The following PCDHGB5 variants were observed in gnomAD, a reference collection of about 807,000 sequenced individuals.
PCDHGB5 encodes the protein protocadherin gamma subfamily B, 5, also known as protocadherin gamma-B5.
PCDHGB5 carries 48 observed loss-of-function variants against 62.9 expected under a neutral mutation model. The ratio of observed to expected loss-of-function variants is 0.76; its 90% CI spans 0.61 to 0.97. PCDHGB5 has a LOEUF of 0.97. Among genes scored for constraint, PCDHGB5 ranks in the 50% least tolerant of loss-of-function variants. PCDHGB5 has a pLI of 0.00. For synonymous variants in PCDHGB5, 474 were observed against 511.2 expected (o/e 0.93, Z 0.98); for missense variants, 1,118 against 1,198.6 (o/e 0.93, Z 0.99).
At chr5:141,458,632 C>T (rs779075931) in intron 1 of PCDHGB5, among the ~76,000 whole-genome samples, 1 of 151,898 alleles carries the variant, frequency 6.6e-6, no homozygotes, top group Non-Finnish European at 1.5e-5. Context: ...TGCAGTGGCA[C>T]AATCCCAGCT....
rs144789830 is a variant in PCDHGB5 at position 141,503,198 on chromosome 5, C to T, written c.2457-2195C>T. Among the ~76,000 whole-genome samples the T allele has an allele frequency of 3.7e-3, 561 of 152,172 alleles. 5 individuals carry two copies. Among genetic ancestry groups the T allele is most frequent in the Admixed American group, 0.011 (164 of 15,268 alleles). ...TATTGTGTAATTATTTAAAATCAGC[C>T]TCTCAGTGCCCACCATGAGCACCGT... On this transcript the variant is annotated intron_variant, in intron 2 of 3. Coordinates refer to ENST00000617380, the MANE Select transcript of PCDHGB5 (RefSeq NM_018925.3).
chr5:141,409,248 T>A (rs779725312), intron 1 of PCDHGB5: 3 of 1,614,032 alleles, frequency 1.9e-6, no homozygotes, highest in South Asian at 2.2e-5. Context: ...GAAATAATCA[T>A]CACTTCTCTC....
chr5:141,413,283 C>A lies in PCDHGB5; in HGVS notation c.2397+12759C>A, dbSNP rs377443382. On this transcript the variant is annotated intron_variant, in intron 1 of 3. Coordinates refer to ENST00000617380, the MANE Select transcript of PCDHGB5 (RefSeq NM_018925.3). ...GGGAGGCTGGAGCCCGGCAGATCTC[C>A]TACTCAATTCCTGAGGAATTAGAGA... The A allele has an allele frequency of 3.6e-5, 58 of 1,613,848 alleles. No individual in the cohort carries two copies. The African/African-American group carries it at 7.6e-4, about 21-fold the overall frequency.
intron 2 of PCDHGB5, among the ~76,000 whole-genome samples, chr5:141,496,406 G>C (rs1485949584): frequency 6.6e-6 from 1 of 152,160 alleles, no homozygotes; most frequent in African/African-American, 2.4e-5. Flanking sequence ...CTCAATGGTT[G>C]AGTACTTGCT....
intron 1 of PCDHGB5, chr5:141,409,879 A>G (rs1175297210): frequency 1.9e-6 from 3 of 1,612,734 alleles, no homozygotes; most frequent in African/African-American, 2.7e-5. Flanking sequence ...ATGACAACGC[A>G]CCGCGGGTGC....
In PCDHGB5 at chr5:141,476,789, T is replaced by A. The variant is rs762462741; in HGVS notation, c.2398-18018T>A. On this transcript the variant is annotated intron_variant, in intron 1 of 3. Coordinates refer to ENST00000617380, the MANE Select transcript of PCDHGB5 (RefSeq NM_018925.3). The surrounding 1 kb of genome is among the most constrained non-coding windows in gnomAD (Gnocchi z 7.6). ...GTTGGACGGAGGGACCCCAGCTCTCTCCGCCAGCCTGCCTATTCACATCAA... is the reference window on the plus strand; with the variant it reads ...GTTGGACGGAGGGACCCCAGCTCTCACCGCCAGCCTGCCTATTCACATCAA... 1.3e-5 allele frequency: 21 copies of A among 1,613,374 alleles called. No individual in the cohort carries two copies. Among genetic ancestry groups the A allele is most frequent in the Non-Finnish European group, 1.7e-5 (20 of 1,180,016 alleles).
intron 1 of PCDHGB5, chr5:141,405,323 T>C (rs1420760439): frequency 6.2e-7 from 1 of 1,614,220 alleles, no homozygotes; most frequent in Non-Finnish European, 8.5e-7. Context: ...AAATGAGCCT[T>C]TGTGCGTCTC....
At chr5:141,403,594 C>A in intron 1 of PCDHGB5, 2 of 1,613,848 alleles carry the variant, frequency 1.2e-6, no homozygotes, top group Non-Finnish European at 1.7e-6. Context: ...TCCTCACGGC[C>A]TCGGATGGCG....
At chr5:141,433,640 A>C (rs2097637476) in intron 1 of PCDHGB5, among the ~76,000 whole-genome samples, 2 of 152,138 alleles carry the variant, frequency 1.3e-5, no homozygotes, top group South Asian at 2.1e-4. Flanking sequence ...GTTTGAGACC[A>C]GCCTGACCAA....
intron 1 of PCDHGB5, chr5:141,441,731 C>G: frequency 2.8e-6 from 1 of 362,226 alleles, no homozygotes; most frequent in South Asian, 2.2e-5. Context: ...GCGACCAGGA[C>G]TAGCTCGCGC....
intron 3 of PCDHGB5, 89 bp downstream of exon 3, chr5:141,505,570 C>G: frequency 6.3e-7 from 1 of 1,598,162 alleles, no homozygotes; most frequent in Admixed American, 1.7e-5. Context: ...GACTGGATGT[C>G]AAACCTGTGT....
chr5:141,499,677 T>C (rs2099793326), intron 2 of PCDHGB5, among the ~76,000 whole-genome samples: 1 of 151,690 alleles, frequency 6.6e-6, no homozygotes, highest in African/African-American at 2.4e-5. Flanking sequence ...CTCCACCATC[T>C]TTAACAGATG....
chr5:141,507,151 G>C (rs1423834553), intron 3 of PCDHGB5: 2 of 152,192 alleles, frequency 1.3e-5, no homozygotes, highest in African/African-American at 4.8e-5. Context: ...TATTACCTGA[G>C]CAGGATGAGA....
At position 141,489,559 on chromosome 5, in the gene PCDHGB5, C is replaced by A; in HGVS notation, c.2398-5248C>A. ...CAGCACCAGCTGCCTGCTGCCAGTG[C>A]AGGTGGTGACTGAACACCCCCTGGA... On this transcript the variant is annotated intron_variant, in intron 1 of 3. Coordinates refer to ENST00000617380, the MANE Select transcript of PCDHGB5 (RefSeq NM_018925.3). This position sits in a 1 kb window ranked among gnomAD's most constrained non-coding sequence, Gnocchi z 4.5. The A allele has an allele frequency of 6.2e-7, 1 of 1,614,078 alleles. No homozygotes were observed. The highest frequency in any genetic ancestry group is 8.5e-7 in the Non-Finnish European group (1 of 1,180,014).
At chr5:141,482,457 C>T (rs1279922250) in intron 1 of PCDHGB5, among the ~76,000 whole-genome samples, 3 of 147,484 alleles carry the variant, frequency 2.0e-5, no homozygotes, top group Non-Finnish European at 3.0e-5. Context: ...TATTAGCATC[C>T]CTATGTGCCA....
intron 1 of PCDHGB5, among the ~76,000 whole-genome samples, chr5:141,447,975 A>G (rs1352829510): frequency 6.6e-6 from 1 of 151,928 alleles, no homozygotes; most frequent in Non-Finnish European, 1.5e-5. Flanking sequence ...AATCCCAGCT[A>G]CTCGGGAGGC....
At chr5:141,409,398 A>C in intron 1 of PCDHGB5, 1 of 1,614,050 alleles carries the variant, frequency 6.2e-7, no homozygotes, top group Non-Finnish European at 8.5e-7. Flanking sequence ...TCTTCTTCCA[A>C]TAACTACTAC....
At chr5:141,426,445 A>T (rs2096937062) in intron 1 of PCDHGB5, 1 of 310,256 alleles carries the variant, frequency 3.2e-6, no homozygotes, top group East Asian at 8.0e-5. Context: ...TGCGGAGGAC[A>T]TGCGGCTGCA....
rs188066304 is a variant in PCDHGB5, at chr5:141,450,907, C to T, written c.2398-43900C>T. On this transcript the variant is annotated intron_variant, in intron 1 of 3. Coordinates refer to ENST00000617380, the MANE Select transcript of PCDHGB5 (RefSeq NM_018925.3). ...TGGTGCGATATCGGCTCACTGCAAC[C>T]GCTGCCTCCCAGATTCAAGCAATTC... is the stretch of plus-strand genomic sequence containing the variant. 6.7e-3 allele frequency among the ~76,000 whole-genome samples: 1,004 copies of T among 150,024 alleles called. 12 individuals carry two copies. The highest frequency in any genetic ancestry group is 0.024 in the African/African-American group (970 of 40,702).
Sources: allele counts gnomAD v4.1 joint callset (sites outside exome capture counted in the v4.1 genomes callset), GRCh38; gene constraint gnomAD v4.1.1; non-coding constraint Gnocchi (gnomAD v3.1); transcripts MANE v1.5; gene names NCBI Gene and HGNC (gene_info 2026-07-23, HGNC 2026-07-21).